Variants in SORT1 observed in about 807,000 individuals in gnomAD.
The protein encoded by SORT1 is sortilin.
A neutral mutation model predicts 101.7 loss-of-function variants in SORT1; 39 were observed. The ratio of observed to expected loss-of-function variants is 0.38; its 90% CI spans 0.30 to 0.50. SORT1 has a LOEUF of 0.50. Ranked by LOEUF, SORT1 falls within the 20% of genes least tolerant of loss-of-function variation. The pLI, the probability that SORT1 is intolerant of heterozygous loss-of-function variation, is 0.90. For missense variants in SORT1, 878 were observed against 1,040.4 expected (o/e 0.84, Z 2.15); for synonymous variants, 396 against 393.7 (o/e 1.01, Z -0.07).
intron 3 of SORT1, among the ~76,000 whole-genome samples, chr1:109,361,249 C>A (rs759687176): frequency 2.6e-5 from 4 of 152,218 alleles, no homozygotes; most frequent in Non-Finnish European, 4.4e-5. Flanking sequence ...TATGCAATTT[C>A]ATTGCTTGCA....
At chr1:109,329,485 C>T (rs1648308609) in intron 11 of SORT1, among the ~76,000 whole-genome samples, 1 of 152,184 alleles carries the variant, frequency 6.6e-6, no homozygotes, top group African/African-American at 2.4e-5. Context: ...GATTTCCTGA[C>T]CTCGTGATCC....
intron 7 of SORT1, among the ~76,000 whole-genome samples, chr1:109,346,312 C>CAAAAAAAAAAAAA (rs1649591548): frequency 7.7e-6 from 1 of 129,042 alleles, no homozygotes. Flanking sequence ...GACTCCGTCT[C>CAAAAAAAAAAAAA]ATAAAAAAAA....
chr1:109,370,100 C>G (rs1485773651), intron 1 of SORT1, among the ~76,000 whole-genome samples: 2 of 152,120 alleles, frequency 1.3e-5, no homozygotes, highest in Non-Finnish European at 2.9e-5. Context: ...AAGCAAATGC[C>G]TTTGTTTCAC....
intron 13 of SORT1, among the ~76,000 whole-genome samples, chr1:109,326,540 T>C (rs867325345): frequency 2.6e-4 from 38 of 145,048 alleles, no homozygotes; most frequent in Non-Finnish European, 2.8e-4. Flanking sequence ...TATATATACA[T>C]ATATATACAC....
intron 10 of SORT1, 136 bp downstream of exon 10, chr1:109,340,588 A>G: frequency 1.1e-6 from 1 of 874,792 alleles, no homozygotes; most frequent in South Asian, 1.7e-5. Context: ...AAAAAAAAAA[A>G]AGGAAACAAA....
Position 109,325,062 on chromosome 1 carries a change from C to T in SORT1, c.1671G>A (p.Trp557Ter). The T allele has an allele frequency of 6.2e-7, 1 of 1,612,004 alleles. No individual in the cohort carries two copies. The highest frequency in any genetic ancestry group is 8.5e-7 in the Non-Finnish European group (1 of 1,178,594). Reference protein sequence around the residue: ...IKFSTDEGQCWQTYTFTRDPI... With the variant: ...IKFSTDEGQC Reference sequence around the variant, plus strand: ...GGTCCCTGGTGAACGTGTAGGTTTGCCAGCATTGACCTTCGTCTGTGGAGA... The same window carrying T: ...GGTCCCTGGTGAACGTGTAGGTTTGTCAGCATTGACCTTCGTCTGTGGAGA... Residue 557 changes from tryptophan (W) to a stop codon, truncating the protein, a stop_gained, in exon 14 of 20, where the codon TGG becomes TGA. Coordinates refer to ENST00000256637, the MANE Select transcript of SORT1 (RefSeq NM_002959.7). LOFTEE classifies it high-confidence loss of function.
chr1:109,329,979 G>T (rs1648349473), intron 11 of SORT1, among the ~76,000 whole-genome samples: 1 of 152,124 alleles, frequency 6.6e-6, no homozygotes, highest in African/African-American at 2.4e-5. Flanking sequence ...CTTAACAAAT[G>T]TAAGACTGAA....
At position 109,347,551 on chromosome 1, in the gene SORT1, A is replaced by G. The variant is rs2101591830; in HGVS notation, c.783-19T>C. On this transcript the variant is annotated intron_variant, in intron 6 of 19. Transcript: ENST00000256637. ...TGATCCCCTACAATGAGGCAAAAAC[A>G]GGGAAAAGAAATGGTTTAAGACTGC... The G allele has an allele frequency of 6.3e-7, 1 of 1,587,514 alleles. No individual in the cohort carries two copies. Among genetic ancestry groups the G allele is most frequent in the Non-Finnish European group, 8.7e-7 (1 of 1,155,962 alleles).
At chr1:109,320,067 C>T (rs1352947723) in intron 15 of SORT1, among the ~76,000 whole-genome samples, 15 of 152,144 alleles carry the variant, frequency 9.9e-5, no homozygotes, top group Admixed American at 8.5e-4. Context: ...CTGCTGCCCC[C>T]GCCACTGCTT....
intron 1 of SORT1, among the ~76,000 whole-genome samples, chr1:109,380,180 C>A (rs1312757095): frequency 6.6e-6 from 1 of 151,864 alleles, no homozygotes; most frequent in Non-Finnish European, 1.5e-5. Context: ...GTGGTCCCAG[C>A]GACTCAGGAG....
At chr1:109,365,367 T>G (rs1651010985) in intron 3 of SORT1, among the ~76,000 whole-genome samples, 1 of 152,162 alleles carries the variant, frequency 6.6e-6, no homozygotes, top group South Asian at 2.1e-4. Flanking sequence ...GGACCACAGG[T>G]GTGTGACACC....
intron 13 of SORT1, among the ~76,000 whole-genome samples, chr1:109,326,079 A>T (rs1270431986): frequency 7.1e-5 from 10 of 141,490 alleles, no homozygotes; most frequent in African/African-American, 2.6e-4. Flanking sequence ...TTGAGACGGG[A>T]TCTCACTCTG....
In SORT1 at chr1:109,342,100, T is replaced by C; in HGVS notation, c.1022A>G (p.Gln341Arg). ...TDQGDTWSMA[Q>R]LPSVGQEQFY... ...CTGTTCCTGTCCCACGGAGGGGAGC[T>C]GGGCCATGCTCCATGTGTCCCCTTG... Residue 341 changes from glutamine (Q) to arginine (R), a missense_variant, in exon 9 of 20, where the codon CAG (glutamine) becomes CGG (arginine). Physicochemically the swap from Gln to Arg is conservative, Grantham distance 43. Around this residue, in one of 2 missense-constraint regions of SORT1, gnomAD observed 684 missense variants for 894.5 expected, o/e 0.76. Coordinates refer to ENST00000256637, the MANE Select transcript of SORT1 (RefSeq NM_002959.7). The C allele has an allele frequency of 6.2e-7, 1 of 1,611,146 alleles. No individual in the cohort carries two copies.
chr1:109,363,569 A>G (rs902914755), intron 3 of SORT1, among the ~76,000 whole-genome samples: 2 of 152,214 alleles, frequency 1.3e-5, no homozygotes, highest in African/African-American at 4.8e-5. Flanking sequence ...GCCTAAAGAC[A>G]GAAGTATACT....
intron 3 of SORT1, among the ~76,000 whole-genome samples, chr1:109,365,395 TGAG>T (rs1452913230): frequency 6.6e-6 from 1 of 152,136 alleles, no homozygotes; most frequent in Non-Finnish European, 1.5e-5. Context: ...GCTAATTTTG[TGAG>T]GAGGGAATTT....
chr1:109,345,763 C>A lies in SORT1; in HGVS notation c.951G>T (p.Val317=). 6.2e-7 allele frequency: 1 copy of A among 1,613,622 alleles called. No individual in the cohort carries two copies. The highest frequency in any genetic ancestry group is 2.2e-5 in the East Asian group (1 of 44,880). Reference sequence around the variant, plus strand: ...GGGCAATACCTACCTTATCAGCCATCACAGAGGCAAAAAGGAAACGTCCCC... The same window carrying A: ...GGGCAATACCTACCTTATCAGCCATAACAGAGGCAAAAAGGAAACGTCCCC... ...GLGGRFLFAS[V]MADKDTTRRI... The change falls in exon 8 of 20, where the codon GTG becomes GTT. Residue 317 remains valine (V), a synonymous_variant. Transcript: ENST00000256637.
chr1:109,340,577 TA>T (rs58727572), intron 10 of SORT1, 146 bp downstream of exon 10: 93,082 of 566,024 alleles, frequency 0.16, 64 homozygotes, highest in South Asian at 0.22. Flanking sequence ...ATTGCCACAA[TA>T]AAAAAAAAAA....
At chr1:109,327,271 C>T (rs1648140549) in intron 12 of SORT1, 111 bp from the exon 13 acceptor site, 1 of 1,031,024 alleles carries the variant, frequency 9.7e-7, no homozygotes, top group Non-Finnish European at 1.4e-6. Context: ...CCCATCAAGC[C>T]TCTTTTAGTA....
intron 3 of SORT1, among the ~76,000 whole-genome samples, chr1:109,355,765 C>A (rs879474994): frequency 6.6e-6 from 1 of 151,528 alleles, no homozygotes; most frequent in Non-Finnish European, 1.5e-5. Context: ...AGGAAGCACA[C>A]TGCCTCCCAC....
Sources: gnomAD v4.1 joint callset for allele counts (sites outside exome capture counted in the v4.1 genomes callset) on GRCh38, gnomAD v4.1.1 for gene constraint, gnomAD v4.1.1 regional missense constraint, MANE v1.5 for transcripts, NCBI Gene and HGNC (gene_info 2026-07-23, HGNC 2026-07-21) for gene names.